The following ZNF793 variants were observed in gnomAD, a reference collection of about 807,000 sequenced individuals.
ZNF793 encodes the protein zinc finger protein 793.
Under a neutral mutation model 12.4 loss-of-function variants are expected in ZNF793, and 5 were observed. The observed-to-expected ratio is 0.40, with a 90% CI of 0.21 to 0.84. The LOEUF is 0.84. Among genes scored for constraint, ZNF793 ranks in the 40% least tolerant of loss-of-function variants. ZNF793 has a pLI of 0.35. For synonymous variants in ZNF793, 162 were observed against 172.4 expected (o/e 0.94, Z 0.47); for missense variants, 456 against 495.0 (o/e 0.92, Z 0.75).
chr19:37,509,905 A>G (rs1600402132), intron 2 of ZNF793, among the ~76,000 whole-genome samples: 2 of 152,206 alleles, frequency 1.3e-5, no homozygotes, highest in African/African-American at 2.4e-5. Flanking sequence ...CTAGCTTCTA[A>G]TCTTAGTATT....
At chr19:37,506,684 C>T (rs2042251630), upstream of ZNF793, 1 of 152,218 alleles carries the variant, frequency 6.6e-6, no homozygotes. Flanking sequence ...AGAGCAGAGA[C>T]GACATCTCTG....
intron 7 of ZNF793, 175 bp downstream of exon 7, chr19:37,533,578 T>C: frequency 1.7e-6 from 1 of 600,940 alleles, no homozygotes; most frequent in Non-Finnish European, 3.0e-6. Flanking sequence ...TTCTCGGCTC[T>C]ACTTGATTGC....
intron 2 of ZNF793, among the ~76,000 whole-genome samples, chr19:37,515,997 G>A (rs1414564522): frequency 6.6e-6 from 1 of 150,432 alleles, no homozygotes; most frequent in East Asian, 2.1e-4. Context: ...GAGGTAATGT[G>A]CTAGACAAAG....
chr19:37,526,510 C>A (rs1317589899), intron 5 of ZNF793, among the ~76,000 whole-genome samples: 1 of 152,166 alleles, frequency 6.6e-6, no homozygotes, highest in African/African-American at 2.4e-5. Flanking sequence ...AAATATTGAC[C>A]CAGAGCCTGT....
intron 5 of ZNF793, among the ~76,000 whole-genome samples, chr19:37,531,196 T>C (rs148911953): frequency 1.3e-5 from 2 of 151,856 alleles, no homozygotes; most frequent in Non-Finnish European, 2.9e-5. Context: ...AGTCAGAGTC[T>C]CACCCTGTCC....
chr19:37,518,260 G>A (rs988084862), intron 2 of ZNF793, among the ~76,000 whole-genome samples: 3 of 151,876 alleles, frequency 2.0e-5, no homozygotes, highest in African/African-American at 7.3e-5. Flanking sequence ...CGAGTAGCTG[G>A]GATTACAGGC....
chr19:37,522,267 G>A (rs1055714431), intron 3 of ZNF793, among the ~76,000 whole-genome samples: 4 of 152,086 alleles, frequency 2.6e-5, no homozygotes, highest in African/African-American at 9.7e-5. Context: ...GCGCGATCTT[G>A]GCTCACTGCA....
At chr19:37,518,798 G>T (rs200879337) in intron 2 of ZNF793, among the ~76,000 whole-genome samples, 1 of 131,560 alleles carries the variant, frequency 7.6e-6, no homozygotes, top group Non-Finnish European at 1.6e-5. Flanking sequence ...AATAGATAAT[G>T]AAAAAAAAAT....
At position 37,515,809 on chromosome 19, in the gene ZNF793, C is replaced by T. The variant is rs540527659; in HGVS notation, c.-275-4375C>T. On this transcript the variant is annotated intron_variant, in intron 2 of 7. Coordinates refer to ENST00000627814, the MANE Select transcript of ZNF793 (RefSeq NM_001013659.3). ...AGCCTTGTTCTTGGATTGGAAGACTCGACAATTTTAAAAATTGTCAGTATT... is the reference window on the plus strand; with the variant it reads ...AGCCTTGTTCTTGGATTGGAAGACTTGACAATTTTAAAAATTGTCAGTATT... 3.9e-5 allele frequency among the ~76,000 whole-genome samples: 6 copies of T among 152,150 alleles called. No individual in the cohort carries two copies. The East Asian group carries it at 7.7e-4, about 20-fold the overall frequency.
At chr19:37,522,812 C>T (rs1373393757) in intron 4 of ZNF793, among the ~76,000 whole-genome samples, 165 bp downstream of exon 4, 1 of 152,090 alleles carries the variant, frequency 6.6e-6, no homozygotes, top group Non-Finnish European at 1.5e-5. Flanking sequence ...CATTACTGGT[C>T]ACGTTAACTG....
chr19:37,526,990 C>G (rs1326376795), intron 5 of ZNF793, among the ~76,000 whole-genome samples: 1 of 152,228 alleles, frequency 6.6e-6, no homozygotes, highest in Non-Finnish European at 1.5e-5. Flanking sequence ...CTCTGTCGCC[C>G]AGGCTGGAGT....
chr19:37,529,991 G>A (rs774555372), intron 5 of ZNF793, among the ~76,000 whole-genome samples: 4 of 152,020 alleles, frequency 2.6e-5, no homozygotes, highest in Non-Finnish European at 5.9e-5. Flanking sequence ...TCATTCTTGG[G>A]TGTTTCTCGG....
intron 5 of ZNF793, 27 bp from the exon 6 acceptor site, chr19:37,532,329 G>T: frequency 1.2e-6 from 2 of 1,605,672 alleles, no homozygotes; most frequent in South Asian, 2.2e-5. Flanking sequence ...TTTTCGACAT[G>T]ACTCAATGTC....
chr19:37,542,551 C>T lies in ZNF793; in HGVS notation c.*4672C>T, dbSNP rs2042558797. The T allele has an allele frequency of 2.9e-6, 1 of 339,928 alleles. No individual in the cohort carries two copies. The highest frequency in any genetic ancestry group is 2.2e-5 in the African/African-American group (1 of 46,414). 21.1% of individuals were successfully genotyped at this position (339,928 alleles called of 1,614,324 possible). ...AATTGTTCTTAATGGCAAAAAAACC[C>T]CCAAAACCAAAGCAAACACTAGAAT... On this transcript the variant is annotated 3_prime_UTR_variant, in exon 8 of 8. Coordinates refer to ENST00000627814, the MANE Select transcript of ZNF793 (RefSeq NM_001013659.3).
Position 37,539,927 on chromosome 19 carries a change from C to T in ZNF793, c.*2048C>T, listed in dbSNP as rs186696016. 6.6e-6 allele frequency: 1 copy of T among 152,210 alleles called. No homozygotes were observed. Among genetic ancestry groups the T allele is most frequent in the African/African-American group, 2.4e-5 (1 of 41,528 alleles). 9.4% of individuals were successfully genotyped at this position (152,210 alleles called of 1,614,324 possible). Reference sequence around the variant, plus strand: ...GATGTAATACAATCCATGAACTGTACTCATTTATTTTATTAAGTCAGAATA... The same window carrying T: ...GATGTAATACAATCCATGAACTGTATTCATTTATTTTATTAAGTCAGAATA... On this transcript the variant is annotated 3_prime_UTR_variant, in exon 8 of 8. Transcript: ENST00000627814.
intron 2 of ZNF793, among the ~76,000 whole-genome samples, chr19:37,512,904 C>T (rs1007589045): frequency 6.6e-5 from 10 of 152,056 alleles, no homozygotes; most frequent in Admixed American, 3.9e-4. Flanking sequence ...CTTTAGACTT[C>T]TTTAATTTGG....
rs990327216 is a variant in ZNF793, at chr19:37,539,235, T to G, written c.*1356T>G. ...TTGACAAAATGTAGTGTCACCCTGG[T>G]GTACAGTACACTGTTCATATTTTCT... is the stretch of plus-strand genomic sequence containing the variant. On this transcript the variant is annotated 3_prime_UTR_variant, in exon 8 of 8. Coordinates refer to ENST00000627814, the MANE Select transcript of ZNF793 (RefSeq NM_001013659.3). The G allele has an allele frequency of 5.3e-5, 8 of 152,348 alleles. No individual in the cohort carries two copies. The highest frequency in any genetic ancestry group is 3.4e-3 in the Middle Eastern group (1 of 294). The allele number at this position is 152,348 out of a possible 1,614,324, so 9.4% of individuals were successfully genotyped here.
chr19:37,522,144 G>T (rs1176759756), intron 3 of ZNF793, among the ~76,000 whole-genome samples: 1 of 152,110 alleles, frequency 6.6e-6, no homozygotes, highest in Non-Finnish European at 1.5e-5. Flanking sequence ...GATTAATCCA[G>T]TCTACAATCA....
Position 37,540,864 on chromosome 19 carries a change from CA to C in ZNF793, c.*2987del, listed in dbSNP as rs2042547602. The C allele has an allele frequency of 6.6e-6, 1 of 151,598 alleles. No individual in the cohort carries two copies. Among genetic ancestry groups the C allele is most frequent in the Non-Finnish European group, 1.5e-5 (1 of 67,912 alleles). 9.4% of individuals were successfully genotyped at this position (151,598 alleles called of 1,614,324 possible). ...CTTCTTTTGGAATTACACTAAATCT[CA>C]ATGATTTTTTGACAATCATTGAAAA... is the stretch of plus-strand genomic sequence containing the variant. On this transcript the variant is annotated 3_prime_UTR_variant, in exon 8 of 8. Transcript: ENST00000627814.
Sources: allele counts gnomAD v4.1 joint callset (sites outside exome capture counted in the v4.1 genomes callset), GRCh38; gene constraint gnomAD v4.1.1; transcripts MANE v1.5; gene names NCBI Gene and HGNC (gene_info 2026-07-23, HGNC 2026-07-21).